TOLLIP: variants seen among roughly 807,000 people sequenced by gnomAD.
TOLLIP encodes the protein toll interacting protein.
A neutral mutation model predicts 33.5 loss-of-function variants in TOLLIP; 16 were observed. The observed-to-expected ratio is 0.48, with a 90% CI of 0.32 to 0.72. The LOEUF (loss-of-function observed/expected upper bound fraction) is 0.72. Among genes scored for constraint, TOLLIP ranks in the 30% least tolerant of loss-of-function variants. TOLLIP has a pLI of 0.03. For synonymous variants in TOLLIP, 176 were observed against 163.7 expected (o/e 1.07, Z -0.57); for missense variants, 325 against 396.6 (o/e 0.82, Z 1.53).
At chr11:1,291,641 C>T (rs955884971) in intron 2 of TOLLIP, among the ~76,000 whole-genome samples, 1 of 151,802 alleles carries the variant, frequency 6.6e-6, no homozygotes, top group African/African-American at 2.4e-5. Context: ...CACCGCACCC[C>T]TCTGAGGGCA....
chr11:1,284,796 G>A (rs1863632262), intron 5 of TOLLIP, among the ~76,000 whole-genome samples: 1 of 152,224 alleles, frequency 6.6e-6, no homozygotes, highest in African/African-American at 2.4e-5. Flanking sequence ...AAGTGAGGGC[G>A]AGGCCATGCT....
chr11:1,288,365 T>C (rs1014788673), intron 4 of TOLLIP, among the ~76,000 whole-genome samples: 2 of 152,010 alleles, frequency 1.3e-5, no homozygotes, highest in South Asian at 2.1e-4. Flanking sequence ...CCACAAAGGG[T>C]TGGCTCATCT....
chr11:1,284,727 A>G (rs889526985), intron 5 of TOLLIP, among the ~76,000 whole-genome samples: 6 of 152,176 alleles, frequency 3.9e-5, no homozygotes, highest in African/African-American at 9.7e-5. Context: ...CTCTGGAGAA[A>G]GGCAGCCCTG....
At chr11:1,283,794 C>A (rs1044487185) in intron 5 of TOLLIP, among the ~76,000 whole-genome samples, 3 of 152,192 alleles carry the variant, frequency 2.0e-5, no homozygotes, top group Non-Finnish European at 4.4e-5. Flanking sequence ...CTGCACCCCC[C>A]AAAAAGACAG....
intron 4 of TOLLIP, 90 bp from the exon 5 acceptor site, chr11:1,286,182 C>T: frequency 2.0e-6 from 2 of 987,626 alleles, no homozygotes; most frequent in Non-Finnish European, 3.1e-6. Flanking sequence ...TTGCCCTCCC[C>T]ACGCCAGCCC....
chr11:1,295,405 C>T (rs112045310), intron 2 of TOLLIP: 1 of 436,088 alleles, frequency 2.3e-6, no homozygotes, highest in East Asian at 3.5e-5. Context: ...AGGCCCTACA[C>T]AGAGCAGACG....
chr11:1,307,613 G>GC (rs1353470101), intron 1 of TOLLIP, among the ~76,000 whole-genome samples: 1 of 152,224 alleles, frequency 6.6e-6, no homozygotes, highest in African/African-American at 2.4e-5. Context: ...TGGCCACCAT[G>GC]CCCCCCTGCT....
chr11:1,303,184 G>A lies in TOLLIP; in HGVS notation c.33+6282C>T, dbSNP rs373191090. Among the ~76,000 whole-genome samples the A allele has an allele frequency of 4.6e-5, 7 of 152,256 alleles. No homozygotes were observed. Among genetic ancestry groups the A allele is most frequent in the South Asian group, 2.1e-4 (1 of 4,816 alleles). ...TATAAAAGCTGACTACAGAACAAGC[G>A]ACTTTAAATGGGGTCTCTGCCAGGA... On this transcript the variant is annotated intron_variant, in intron 1 of 5. Coordinates refer to ENST00000317204, the MANE Select transcript of TOLLIP (RefSeq NM_019009.4). This position sits in a 1 kb window ranked among gnomAD's most constrained non-coding sequence, Gnocchi z 4.2.
intron 4 of TOLLIP, among the ~76,000 whole-genome samples, chr11:1,287,573 C>T (rs1409829034): frequency 8.7e-5 from 1 of 11,496 alleles, no homozygotes; most frequent in Admixed American, 6.8e-4. Context: ...GCCTCCCCGC[C>T]GCACCCTCCC....
Position 1,309,488 on chromosome 11 carries a change from G to A in TOLLIP, c.11C>T (p.Thr4Ile). ...CACCGGCCCGCGCTGAGTGCTGACG[G>A]TGGTCGCCATGGTGCTGCGGCGGCC... is the stretch of plus-strand genomic sequence containing the variant. MAT[T>I]VSTQRGPVYI... The change falls in exon 1 of 6, where the codon ACC becomes ATC. Residue 4 changes from threonine to isoleucine, a missense_variant. Coordinates refer to ENST00000317204, the MANE Select transcript of TOLLIP (RefSeq NM_019009.4). The A allele has an allele frequency of 2.2e-6, 3 of 1,341,612 alleles. No homozygotes were observed. The highest frequency in any genetic ancestry group is 1.7e-5 in the South Asian group (1 of 59,672). The allele number at this position is 1,341,612 out of a possible 1,614,324, so 83.1% of individuals were successfully genotyped here.
intron 2 of TOLLIP, among the ~76,000 whole-genome samples, chr11:1,292,421 C>G (rs998946485): frequency 2.6e-5 from 4 of 152,228 alleles, no homozygotes; most frequent in Admixed American, 2.6e-4. Context: ...GCCAGCATGC[C>G]CGTGCCTGTC....
chr11:1,305,254 G>C (rs1864394388), intron 1 of TOLLIP, among the ~76,000 whole-genome samples: 1 of 152,194 alleles, frequency 6.6e-6, no homozygotes, highest in African/African-American at 2.4e-5. Context: ...CAGAGAGAAA[G>C]GACTCGTGAG....
In TOLLIP at chr11:1,276,214, T is replaced by C. The variant is rs145616541; in HGVS notation, c.*825A>G. Reference sequence around the variant, plus strand: ...TGCACAGTGCTGCCTCTATCACCTCTCACCCCAGCCTCGCAAGGCCTGTTG... The same window carrying C: ...TGCACAGTGCTGCCTCTATCACCTCCCACCCCAGCCTCGCAAGGCCTGTTG... On this transcript the variant is annotated 3_prime_UTR_variant, in exon 6 of 6. Coordinates refer to ENST00000317204, the MANE Select transcript of TOLLIP (RefSeq NM_019009.4). 1.9e-3 allele frequency: 338 copies of C among 174,254 alleles called. 5 individuals carry two copies. Among genetic ancestry groups the C allele is most frequent in the African/African-American group, 7.6e-3 (320 of 41,944 alleles). The allele number at this position is 174,254 out of a possible 1,614,324, so 10.8% of individuals were successfully genotyped here. A position where few individuals can be genotyped will look rare whatever the true frequency, so the allele number is the denominator to read the frequency against.
chr11:1,288,109 G>A (rs5743975), intron 4 of TOLLIP, among the ~76,000 whole-genome samples: 2 of 152,094 alleles, frequency 1.3e-5, no homozygotes, highest in African/African-American at 4.8e-5. Flanking sequence ...GCGCTGACGT[G>A]CTGGCCCCAC....
chr11:1,295,960 G>A (rs1864101774), intron 1 of TOLLIP, among the ~76,000 whole-genome samples, 166 bp from the exon 2 acceptor site: 1 of 152,168 alleles, frequency 6.6e-6, no homozygotes, highest in Admixed American at 6.5e-5. Context: ...GAGGGGTCAA[G>A]GGTGTCCAGC....
chr11:1,281,896 C>G (rs1191342131), intron 5 of TOLLIP, among the ~76,000 whole-genome samples: 2 of 152,248 alleles, frequency 1.3e-5, no homozygotes, highest in Non-Finnish European at 2.9e-5. Context: ...CGGCCCGAGA[C>G]GCCCTGAGCA....
At chr11:1,302,753 T>C (rs2133930605) in intron 1 of TOLLIP, 7 of 985,618 alleles carry the variant, frequency 7.1e-6, no homozygotes, top group Non-Finnish European at 8.4e-6. Context: ...TGGCATTTCA[T>C]GCAACTGCTC....
chr11:1,277,151 T>C lies in TOLLIP; in HGVS notation c.713A>G (p.Gln238Arg), dbSNP rs1564962419. The C allele has an allele frequency of 3.1e-6, 5 of 1,613,552 alleles. No homozygotes were observed. Among genetic ancestry groups the C allele is most frequent in the Admixed American group, 1.7e-5 (1 of 60,006 alleles). Residue 238 changes from glutamine to arginine, a missense_variant, in exon 6 of 6, where the codon CAG becomes CGG. Coordinates refer to ENST00000317204, the MANE Select transcript of TOLLIP (RefSeq NM_019009.4). The surrounding 1 kb of genome is among the most constrained non-coding windows in gnomAD (Gnocchi z 4.2). ...RCSEEDLKAIQDMFPNMDQEV... is the reference protein window; with the variant it reads ...RCSEEDLKAIRDMFPNMDQEV... ...CTGGTCCATGTTGGGGAACATGTCC[T>C]GGATGGCTTTCAGGTCCTCCTCGCT... is the stretch of plus-strand genomic sequence containing the variant.
chr11:1,285,519 C>T (rs35279068), intron 5 of TOLLIP, among the ~76,000 whole-genome samples: 364 of 152,374 alleles, frequency 2.4e-3, no homozygotes, highest in Non-Finnish European at 4.0e-3. Context: ...CAGTGACACA[C>T]GACAACAGAC....
Sources: gnomAD v4.1 joint callset for allele counts (sites outside exome capture counted in the v4.1 genomes callset) on GRCh38, gnomAD v4.1.1 for gene constraint, Gnocchi (gnomAD v3.1) non-coding constraint, MANE v1.5 for transcripts, NCBI Gene and HGNC (gene_info 2026-07-23, HGNC 2026-07-21) for gene names.